The following CDC42BPA variants were observed in gnomAD, a reference collection of about 807,000 sequenced individuals.
CDC42BPA encodes serine/threonine-protein kinase MRCK alpha.
A neutral mutation model predicts 223.5 loss-of-function variants in CDC42BPA; 80 were observed. The ratio of observed to expected loss-of-function variants is 0.36; its 90% CI spans 0.30 to 0.43. The LOEUF is 0.43. Ranked by LOEUF, CDC42BPA falls within the 20% of genes least tolerant of loss-of-function variation. The pLI, the probability that CDC42BPA is intolerant of heterozygous loss-of-function variation, is 1.00. For synonymous variants in CDC42BPA, 694 were observed against 718.6 expected (o/e 0.97, Z 0.55); for missense variants, 1,743 against 2,099.9 (o/e 0.83, Z 3.32).
intron 1 of CDC42BPA, among the ~76,000 whole-genome samples, chr1:227,255,173 G>C (rs1682828440): frequency 1.3e-5 from 2 of 152,016 alleles, no homozygotes; most frequent in African/African-American, 4.8e-5. Context: ...CTCTCCTCAG[G>C]TCCCTCTTTA....
At position 227,149,468 on chromosome 1, in the gene CDC42BPA, CTATTA is replaced by C. The variant is rs368341083; in HGVS notation, c.694-1914_694-1910del. Among the ~76,000 whole-genome samples, 614 of 152,214 alleles carry C rather than the reference CTATTA, an allele frequency of 4.0e-3. 1 individual carries two copies. Among genetic ancestry groups the C allele is most frequent in the African/African-American group, 0.014 (565 of 41,504 alleles). On this transcript the variant is annotated intron_variant, in intron 6 of 36. Transcript: ENST00000366766. ...AATATAAACCAAATGAGTAAACTGT[CTATTA>C]TGAGTAACTCAGAAATCCCAACAAA... is the stretch of plus-strand genomic sequence containing the variant.
intron 23 of CDC42BPA, 96 bp downstream of exon 23, chr1:227,047,831 T>C: frequency 1.6e-6 from 1 of 643,354 alleles, no homozygotes; most frequent in Non-Finnish European, 2.7e-6. Flanking sequence ...GTTTGTAAAT[T>C]TGAAGAAATA....
intron 7 of CDC42BPA, among the ~76,000 whole-genome samples, chr1:227,146,105 A>C (rs1255273455): frequency 6.6e-6 from 1 of 152,168 alleles, no homozygotes; most frequent in African/African-American, 2.4e-5. Context: ...TGATTAACTA[A>C]TAATAAATAT....
rs1230020100 is a variant in CDC42BPA, at chr1:227,069,724, C to T, written c.2904+53G>A. 3.1e-6 allele frequency: 4 copies of T among 1,282,384 alleles called. No homozygotes were observed. In the African/African-American group the frequency reaches 4.4e-5, roughly 14 times the overall value. The allele number at this position is 1,282,384 out of a possible 1,614,324, so 79.4% of individuals were successfully genotyped here. On this transcript the variant is annotated intron_variant, in intron 21 of 36. Transcript: ENST00000366766. ...TTTATTATAAGTGAACTTTAAATTA[C>T]AAAGTGAATTTTAAATTGACCCCAG...
chr1:227,120,966 G>C (rs1010613162), intron 11 of CDC42BPA, among the ~76,000 whole-genome samples: 1 of 152,144 alleles, frequency 6.6e-6, no homozygotes, highest in African/African-American at 2.4e-5. Flanking sequence ...TAGATCCCTC[G>C]CATGAGCAGT....
intron 2 of CDC42BPA, among the ~76,000 whole-genome samples, chr1:227,253,613 T>TAAAC (rs1197951066): frequency 1.8e-5 from 2 of 111,826 alleles, no homozygotes; most frequent in African/African-American, 5.8e-5. Context: ...AATAAATACA[T>TAAAC]ACATACATAC....
At chr1:227,115,026 T>C (rs777660742) in intron 12 of CDC42BPA, among the ~76,000 whole-genome samples, 3 of 152,088 alleles carry the variant, frequency 2.0e-5, no homozygotes, top group Non-Finnish European at 2.9e-5. Flanking sequence ...AGAAATGATT[T>C]TGCAAACAAA....
chr1:227,281,168 T>C (rs1687955857), intron 1 of CDC42BPA, among the ~76,000 whole-genome samples: 1 of 152,220 alleles, frequency 6.6e-6, no homozygotes, highest in Non-Finnish European at 1.5e-5. Flanking sequence ...AAAGTTAGCC[T>C]AGCAAAACCC....
intron 1 of CDC42BPA, among the ~76,000 whole-genome samples, chr1:227,267,840 CCAGGTCCCTCCCT>C (rs1403880661): frequency 3.9e-5 from 6 of 152,296 alleles, no homozygotes; most frequent in African/African-American, 1.4e-4. Flanking sequence ...TCACCTCCCA[CCAGGTCCCTCCCT>C]CAATACGAGG....
At chr1:227,206,925 ATTATT>A (rs974004640) in intron 3 of CDC42BPA, among the ~76,000 whole-genome samples, 15 of 151,138 alleles carry the variant, frequency 9.9e-5, no homozygotes, top group Non-Finnish European at 1.5e-4. Context: ...TATCTTTTTT[ATTATT>A]TTATTTTATT....
At chr1:227,243,075 G>A (rs1272436871) in intron 2 of CDC42BPA, among the ~76,000 whole-genome samples, 3 of 152,182 alleles carry the variant, frequency 2.0e-5, no homozygotes, top group Non-Finnish European at 4.4e-5. Context: ...CACAGGAACA[G>A]AAAACCAAAT....
chr1:227,200,928 T>C (rs1442551473), intron 3 of CDC42BPA, among the ~76,000 whole-genome samples: 1 of 152,184 alleles, frequency 6.6e-6, no homozygotes, highest in Non-Finnish European at 1.5e-5. Flanking sequence ...AATTAACATA[T>C]TCCTAATTAC....
chr1:227,253,635 CATACATACATACATTCATACATAA>C (rs1420869003), intron 2 of CDC42BPA, among the ~76,000 whole-genome samples: 14 of 126,794 alleles, frequency 1.1e-4, no homozygotes, highest in Admixed American at 3.0e-4. Context: ...TACATACATA[CATACATACATACATTCATACATAA>C]AATAAAATAC....
intron 10 of CDC42BPA, among the ~76,000 whole-genome samples, chr1:227,133,503 C>T (rs182281081): frequency 0.058 from 8,802 of 151,966 alleles, 842 homozygotes; most frequent in African/African-American, 0.2. Flanking sequence ...ATGACAATGG[C>T]GGTTTTGTGG....
intron 1 of CDC42BPA, among the ~76,000 whole-genome samples, chr1:227,285,429 T>A (rs1261713106): frequency 6.6e-6 from 1 of 152,214 alleles, no homozygotes; most frequent in African/African-American, 2.4e-5. Context: ...ACAAATTGCC[T>A]ATGAAAAGCA....
rs371469034 is a variant in CDC42BPA, at chr1:227,026,144, C to T, written c.4441G>A (p.Ala1481Thr). Residue 1481 changes from alanine to threonine, a missense_variant, in exon 31 of 37, where the codon GCA (alanine) becomes ACA (threonine). Physicochemically the swap from Ala to Thr is moderately conservative, Grantham distance 58. This residue lies in a region of CDC42BPA where 678 missense variants were observed against 777.5 expected (regional missense o/e 0.87). Coordinates refer to ENST00000366766, the MANE Select transcript of CDC42BPA (RefSeq NM_001394014.1). ...PANPSSCCYN[A>T]PYLSVYSENA... ...TCACTGTACACCGAGAGATATGGTG[C>T]ATTGTAACCTGGGAGAAGGGAAGGG... The T allele has an allele frequency of 4.4e-6, 7 of 1,586,944 alleles. No homozygotes were observed. Among genetic ancestry groups the T allele is most frequent in the Non-Finnish European group, 6.0e-6 (7 of 1,163,042 alleles).
rs959520859 is a variant in CDC42BPA at position 227,038,568 on chromosome 1, A to G, written c.3199+1563T>C. Among the ~76,000 whole-genome samples the G allele has an allele frequency of 2.6e-5, 4 of 152,334 alleles. No homozygotes were observed. In the East Asian group the frequency reaches 5.8e-4, roughly 22 times the overall value. On this transcript the variant is annotated intron_variant, in intron 24 of 36. Coordinates refer to ENST00000366766, the MANE Select transcript of CDC42BPA (RefSeq NM_001394014.1). Reference sequence around the variant, plus strand: ...TGAATAACAGCACAAACAACAGCCAATACCACAGACATCTCAATTGGTTCA... The same window carrying G: ...TGAATAACAGCACAAACAACAGCCAGTACCACAGACATCTCAATTGGTTCA...
intron 34 of CDC42BPA, among the ~76,000 whole-genome samples, chr1:227,015,630 C>T (rs890812934): frequency 1.3e-5 from 2 of 151,730 alleles, no homozygotes; most frequent in Non-Finnish European, 2.9e-5. Context: ...TTTAATTTCA[C>T]AACTGTCGGA....
chr1:227,128,321 G>A (rs1210741782), intron 11 of CDC42BPA, among the ~76,000 whole-genome samples: 1 of 152,038 alleles, frequency 6.6e-6, no homozygotes, highest in African/African-American at 2.4e-5. Context: ...CCTACCCCTG[G>A]AGCACTATAT....
Sources: allele counts gnomAD v4.1 joint callset (sites outside exome capture counted in the v4.1 genomes callset), GRCh38; gene constraint gnomAD v4.1.1; regional missense constraint gnomAD v4.1.1; transcripts MANE v1.5; gene names NCBI Gene and HGNC (gene_info 2026-07-23, HGNC 2026-07-21).